FLVCR2: variants seen among roughly 807,000 people sequenced by gnomAD.
The protein encoded by FLVCR2 is FLVCR choline and putative heme transporter 2.
FLVCR2 carries 38 observed loss-of-function variants against 48.9 expected under a neutral mutation model. That is an observed-to-expected ratio of 0.78 (90% CI 0.60 to 1.02). The LOEUF is 1.02. Ranked by LOEUF, FLVCR2 falls within the 50% of genes least tolerant of loss-of-function variation. The pLI, the probability that FLVCR2 is intolerant of heterozygous loss-of-function variation, is 0.00. For missense variants in FLVCR2, 664 were observed against 663.3 expected, an observed-to-expected ratio of 1.00 and a Z score of -0.01; for synonymous variants, 255 against 257.0, an observed-to-expected ratio of 0.99 and a Z score of 0.07.
chr14:75,588,999 C>A (rs1320396714), intron 1 of FLVCR2, among the ~76,000 whole-genome samples: 1 of 152,098 alleles, frequency 6.6e-6, no homozygotes, highest in African/African-American at 2.4e-5. Context: ...GAGGCAAATT[C>A]CTCTCCACCT....
intron 8 of FLVCR2, among the ~76,000 whole-genome samples, chr14:75,641,607 A>G (rs920124627): frequency 1.3e-5 from 2 of 152,186 alleles, no homozygotes; most frequent in African/African-American, 4.8e-5. Context: ...CAATGTGTGC[A>G]AAGTCCCTGA....
chr14:75,623,519 C>T (rs879830410), intron 2 of FLVCR2, among the ~76,000 whole-genome samples: 4 of 152,146 alleles, frequency 2.6e-5, no homozygotes, highest in Non-Finnish European at 5.9e-5. Context: ...TGCCTACTGA[C>T]CCCACCTCCA....
chr14:75,634,221 C>T (rs1374076079), intron 4 of FLVCR2, among the ~76,000 whole-genome samples: 2 of 152,126 alleles, frequency 1.3e-5, no homozygotes, highest in Non-Finnish European at 2.9e-5. Context: ...AAGGACTAGG[C>T]TCTCACACTT....
chr14:75,628,165 A>G (rs1889954522), intron 3 of FLVCR2, among the ~76,000 whole-genome samples: 1 of 152,130 alleles, frequency 6.6e-6, no homozygotes. Context: ...CCCAAGCTGG[A>G]GTGCAGTGGC....
chr14:75,629,706 C>A (rs1299941829), intron 3 of FLVCR2, among the ~76,000 whole-genome samples: 1 of 152,234 alleles, frequency 6.6e-6, no homozygotes. Flanking sequence ...AACAACTGCC[C>A]TGTTGAAAAG....
intron 1 of FLVCR2, among the ~76,000 whole-genome samples, chr14:75,611,936 G>A (rs961331168): frequency 1.3e-5 from 2 of 152,056 alleles, no homozygotes; most frequent in South Asian, 2.1e-4. Context: ...TAAGACCAGC[G>A]CCTTTAACCT....
At chr14:75,627,681 A>G (rs1594810165) in intron 3 of FLVCR2, among the ~76,000 whole-genome samples, 2 of 152,334 alleles carry the variant, frequency 1.3e-5, no homozygotes, top group South Asian at 2.1e-4. Flanking sequence ...GGAGTTTGCT[A>G]ATGGGAAAAG....
At position 75,581,987 on chromosome 14, in the gene FLVCR2, G is replaced by T. The variant is rs563091330; in HGVS notation, c.669+2346G>T. On this transcript the variant is annotated intron_variant, in intron 1 of 9. Transcript: ENST00000238667. ...CCTTGGTCCAAGAACCGTTTGCCTT[G>T]TGTGGGAAGAGATTGGTAGGTTGAA... Among the ~76,000 whole-genome samples, 8 of 152,344 alleles carry T rather than the reference G, an allele frequency of 5.3e-5. No homozygotes were observed. In the South Asian group the frequency reaches 8.3e-4, roughly 16 times the overall value.
chr14:75,631,783 T>C, intron 3 of FLVCR2: 1 of 456,094 alleles, frequency 2.2e-6, no homozygotes, highest in Non-Finnish European at 4.4e-6. Context: ...AATGTCTCCT[T>C]ACGGGATCTC....
chr14:75,605,837 G>T lies in FLVCR2; in HGVS notation c.670-16242G>T, dbSNP rs189694618. The T allele has an allele frequency of 1.9e-4, 108 of 568,474 alleles. No homozygotes were observed. In the East Asian group the frequency reaches 2.4e-3, roughly 13 times the overall value. The allele number at this position is 568,474 out of a possible 1,614,324, so 35.2% of individuals were successfully genotyped here. ...GACACAGAAGCTGGAGCAAGGTTGG[G>T]AGCTGGTTTTCTCCTTTTTTTCTTC... On this transcript the variant is annotated intron_variant, in intron 1 of 9. Transcript: ENST00000238667.
At chr14:75,621,561 C>T (rs1487693009) in intron 1 of FLVCR2, among the ~76,000 whole-genome samples, 4 of 152,124 alleles carry the variant, frequency 2.6e-5, no homozygotes, top group East Asian at 1.9e-4. Context: ...GAAGTTACTA[C>T]GTTATTCACA....
Position 75,579,629 on chromosome 14 carries a change from C to CT in FLVCR2, c.660dup (p.Gly221TrpfsTer21). On this transcript the variant is annotated frameshift_variant, in exon 1 of 10. Transcript: ENST00000238667. LOFTEE classifies it high-confidence loss of function. ...TTTCAACAGCCTGCTCCGTGGCTGT[C>CT]TTTGGCAATCAGGTAGGTAGAACAG... The CT allele has an allele frequency of 6.2e-7, 1 of 1,614,156 alleles. No individual in the cohort carries two copies. Among genetic ancestry groups the CT allele is most frequent in the South Asian group, 1.1e-5 (1 of 91,076 alleles).
intron 2 of FLVCR2, 51 bp downstream of exon 2, chr14:75,622,271 G>C (rs1271673370): frequency 6.4e-7 from 1 of 1,572,306 alleles, no homozygotes. Context: ...GGGGCAGGGA[G>C]ATTCTGCTGA....
intron 7 of FLVCR2, 47 bp from the exon 8 acceptor site, chr14:75,641,135 G>A (rs775565221): frequency 6.4e-7 from 1 of 1,552,046 alleles, no homozygotes; most frequent in South Asian, 1.1e-5. Context: ...TTCCTCATGA[G>A]TTAGTTGACT....
rs748748670 is a variant in FLVCR2 at position 75,624,666 on chromosome 14, C to G, written c.866C>G (p.Ala289Gly). 4 of 1,614,078 alleles carry G rather than the reference C, an allele frequency of 2.5e-6. No individual in the cohort carries two copies. In the Admixed American group the frequency reaches 6.7e-5, roughly 27 times the overall value. ...AGCAGGGCCCAATCCCTGAGCTATG[C>G]CTTGACCTCTCCTGATGCCTCATAC... ...PPSRAQSLSYALTSPDASYLG... is the reference protein window; with the variant it reads ...PPSRAQSLSYGLTSPDASYLG... Residue 289 changes from alanine to glycine, a missense_variant, in exon 3 of 10, where the codon GCC (alanine) becomes GGC (glycine). Coordinates refer to ENST00000238667, the MANE Select transcript of FLVCR2 (RefSeq NM_017791.3).
In FLVCR2 at chr14:75,616,031, A is replaced by C. The variant is rs1440123725; in HGVS notation, c.670-6048A>C. Among the ~76,000 whole-genome samples, 66 of 146,764 alleles carry C rather than the reference A, an allele frequency of 4.5e-4. 1 individual carries two copies. Among genetic ancestry groups the C allele is most frequent in the African/African-American group, 1.6e-3 (66 of 40,376 alleles). Reference sequence around the variant, plus strand: ...GACAGAGTGAGACTCCATCTCAAAAAAAAAAAAAAAAAAAAAATAGCGTAA... The same window carrying C: ...GACAGAGTGAGACTCCATCTCAAAACAAAAAAAAAAAAAAAAATAGCGTAA... On this transcript the variant is annotated intron_variant, in intron 1 of 9. Transcript: ENST00000238667.
At chr14:75,597,909 G>T (rs527936632) in intron 1 of FLVCR2, among the ~76,000 whole-genome samples, 1 of 152,086 alleles carries the variant, frequency 6.6e-6, no homozygotes, top group Non-Finnish European at 1.5e-5. Flanking sequence ...AATAAGGCTC[G>T]TGATCAGACA....
chr14:75,600,873 C>A (rs1007855078), intron 1 of FLVCR2, among the ~76,000 whole-genome samples: 1 of 147,976 alleles, frequency 6.8e-6, no homozygotes, highest in Non-Finnish European at 1.5e-5. Flanking sequence ...TACAACTCAA[C>A]CGCAAAAAAA....
intron 5 of FLVCR2, among the ~76,000 whole-genome samples, chr14:75,637,144 T>G (rs528244026): frequency 1.3e-5 from 2 of 152,244 alleles, no homozygotes; most frequent in African/African-American, 4.8e-5. Flanking sequence ...GACACAGGTT[T>G]CAAATCCAGC....
Sources: allele counts gnomAD v4.1 joint callset (sites outside exome capture counted in the v4.1 genomes callset), GRCh38; gene constraint gnomAD v4.1.1; transcripts MANE v1.5; gene names NCBI Gene and HGNC (gene_info 2026-07-23, HGNC 2026-07-21).